The following CREB5 variants were observed in gnomAD, a reference collection of about 807,000 sequenced individuals.
CREB5 encodes the protein cyclic AMP-responsive element-binding protein 5.
CREB5 carries 19 observed loss-of-function variants against 57.1 expected under a neutral mutation model. The ratio of observed to expected loss-of-function variants is 0.33; its 90% CI spans 0.23 to 0.49. The LOEUF (loss-of-function observed/expected upper bound fraction) is 0.49. CREB5 is among the 20% of genes least tolerant of loss of function. The pLI, the probability that CREB5 is intolerant of heterozygous loss-of-function variation, is 0.99. For synonymous variants in CREB5, 238 were observed against 238.3 expected (o/e 1.00, Z 0.01); for missense variants, 579 against 671.6 (o/e 0.86, Z 1.52).
intron 5 of CREB5, among the ~76,000 whole-genome samples, chr7:28,681,306 C>G (rs1437341209): frequency 6.6e-6 from 1 of 152,112 alleles, no homozygotes; most frequent in Admixed American, 6.5e-5. Flanking sequence ...GACCGAGCAG[C>G]CTGTGTTGCC....
intron 5 of CREB5, among the ~76,000 whole-genome samples, chr7:28,634,876 C>T (rs1021996941): frequency 1.3e-5 from 2 of 152,094 alleles, no homozygotes; most frequent in African/African-American, 4.8e-5. Context: ...TTCAAGGAGA[C>T]AGAAACAGCT....
At chr7:28,816,061 A>G (rs949308014) in intron 9 of CREB5, among the ~76,000 whole-genome samples, 4 of 149,080 alleles carry the variant, frequency 2.7e-5, no homozygotes, top group African/African-American at 1.0e-4. Flanking sequence ...ATACGCACAC[A>G]CACACACACA....
At chr7:28,619,130 TTA>T (rs1348240091) in intron 5 of CREB5, among the ~76,000 whole-genome samples, 2 of 152,230 alleles carry the variant, frequency 1.3e-5, no homozygotes, top group African/African-American at 4.8e-5. Flanking sequence ...TTAAATCATC[TTA>T]TGAGGCAGAT....
chr7:28,332,667 A>G (rs1264588272), intron 1 of CREB5, among the ~76,000 whole-genome samples: 2 of 152,226 alleles, frequency 1.3e-5, no homozygotes, highest in Non-Finnish European at 2.9e-5. Flanking sequence ...AACATTTAAA[A>G]AATGTTAAAA....
chr7:28,527,795 G>A (rs962836759), intron 4 of CREB5, among the ~76,000 whole-genome samples: 47 of 152,272 alleles, frequency 3.1e-4, no homozygotes, highest in African/African-American at 9.1e-4. Flanking sequence ...TCCAGCCTGC[G>A]TGACAGAGAG....
intron 1 of CREB5, among the ~76,000 whole-genome samples, chr7:28,339,105 T>G (rs928668295): frequency 1.3e-5 from 2 of 152,182 alleles, no homozygotes; most frequent in Non-Finnish European, 2.9e-5. Context: ...TCTTTGTCTC[T>G]TCAGGATTTG....
chr7:28,304,988 C>A (rs1273493876), intron 1 of CREB5, among the ~76,000 whole-genome samples: 2 of 152,124 alleles, frequency 1.3e-5, no homozygotes, highest in African/African-American at 4.8e-5. Flanking sequence ...CCCAAATTTG[C>A]AACATGTTTG....
chr7:28,305,109 A>G (rs1785160870), intron 1 of CREB5, among the ~76,000 whole-genome samples: 1 of 152,226 alleles, frequency 6.6e-6, no homozygotes, highest in Non-Finnish European at 1.5e-5. Context: ...AACATAACTT[A>G]GGAATATTTA....
chr7:28,700,959 TAAA>T (rs11324534), intron 5 of CREB5, among the ~76,000 whole-genome samples: 7 of 134,298 alleles, frequency 5.2e-5, no homozygotes, highest in Non-Finnish European at 6.5e-5. Flanking sequence ...CCCAGGGATT[TAAA>T]AAAAAAAAAA....
intron 1 of CREB5, among the ~76,000 whole-genome samples, chr7:28,446,666 C>A (rs1789488718): frequency 6.6e-6 from 1 of 152,128 alleles, no homozygotes; most frequent in African/African-American, 2.4e-5. Flanking sequence ...GTGGTGGGTG[C>A]CTGTAGGCCC....
chr7:28,584,414 T>A (rs1265723824), intron 5 of CREB5, among the ~76,000 whole-genome samples: 2 of 151,882 alleles, frequency 1.3e-5, no homozygotes, highest in Non-Finnish European at 2.9e-5. Context: ...ATCCAATGAG[T>A]GGTGTCCTTA....
chr7:28,486,449 T>C (rs969943061), intron 1 of CREB5, among the ~76,000 whole-genome samples: 1 of 151,534 alleles, frequency 6.6e-6, no homozygotes, highest in Non-Finnish European at 1.5e-5. Context: ...GACTTGTGAA[T>C]CCTATTGGAA....
intron 7 of CREB5, among the ~76,000 whole-genome samples, chr7:28,732,405 A>T (rs1010148878): frequency 9.2e-5 from 14 of 152,162 alleles, no homozygotes; most frequent in African/African-American, 3.4e-4. Context: ...GGCAAAAAAA[A>T]CTGCATATGG....
chr7:28,571,597 C>T (rs564631691), intron 5 of CREB5, among the ~76,000 whole-genome samples: 7 of 152,194 alleles, frequency 4.6e-5, no homozygotes, highest in Non-Finnish European at 1.0e-4. Context: ...AAAGAGCTTT[C>T]CCTTCTGGGT....
intron 5 of CREB5, among the ~76,000 whole-genome samples, chr7:28,583,105 T>A (rs1796179215): frequency 6.6e-6 from 1 of 152,346 alleles, no homozygotes; most frequent in East Asian, 1.9e-4. Context: ...TTCCCAGGTA[T>A]GTCTTCAACC....
At chr7:28,361,950 G>T (rs1237672898) in intron 1 of CREB5, among the ~76,000 whole-genome samples, 4 of 152,294 alleles carry the variant, frequency 2.6e-5, no homozygotes, top group Non-Finnish European at 2.9e-5. Context: ...TGAAGTAAAA[G>T]TTGAATCTTC....
At chr7:28,657,716 C>A (rs75766652) in intron 5 of CREB5, among the ~76,000 whole-genome samples, 3 of 32,674 alleles carry the variant, frequency 9.2e-5, no homozygotes, top group African/African-American at 3.4e-4. Flanking sequence ...GACTCTCTCT[C>A]GAAAAAAAAA....
chr7:28,543,424 T>C (rs947904078), intron 4 of CREB5, among the ~76,000 whole-genome samples: 21 of 152,184 alleles, frequency 1.4e-4, no homozygotes, highest in African/African-American at 5.1e-4. Context: ...CCTTTTTGAT[T>C]TATGCAAATG....
At chr7:28,572,086 C>T (rs758617579) in intron 5 of CREB5, among the ~76,000 whole-genome samples, 1 of 152,134 alleles carries the variant, frequency 6.6e-6, no homozygotes, top group Admixed American at 6.5e-5. Context: ...CTGGCTTATT[C>T]CTCCCTAGGA....
Sources: allele counts gnomAD v4.1 joint callset (sites outside exome capture counted in the v4.1 genomes callset), GRCh38; gene constraint gnomAD v4.1.1; transcripts MANE v1.5; gene names NCBI Gene and HGNC (gene_info 2026-07-23, HGNC 2026-07-21).